TENM2: variants seen among roughly 807,000 people sequenced by gnomAD.
TENM2 encodes the protein teneurin transmembrane protein 2.
Under a neutral mutation model 245.2 loss-of-function variants are expected in TENM2, and 52 were observed. That is an observed-to-expected ratio of 0.21 (90% CI 0.17 to 0.27). The LOEUF (loss-of-function observed/expected upper bound fraction) is 0.27, where lower values mean the gene tolerates loss of function less well. Ranked by LOEUF, TENM2 falls within the 10% of genes least tolerant of loss-of-function variation. The probability of loss-of-function intolerance (pLI) is 1.00; values close to 1 mark genes in which losing one functional copy is unlikely to be tolerated. For synonymous variants in TENM2, 1,363 were observed against 1,438.9 expected, an observed-to-expected ratio of 0.95 and a Z score of 1.19; for missense variants, 3,046 against 3,666.8, an observed-to-expected ratio of 0.83 and a Z score of 4.37.
At position 167,655,188 on chromosome 5, in the gene TENM2, A is replaced by G. The variant is rs114119118; in HGVS notation, c.503-220798A>G. On this transcript the variant is annotated intron_variant, in intron 2 of 28. Transcript: ENST00000518659. ...AGAAATATCAGAATCAAATCAATGA[A>G]CAGGTTCAAAAGAAAAACACTAGAA... Among the ~76,000 whole-genome samples, 827 of 152,316 alleles carry G rather than the reference A, an allele frequency of 5.4e-3. 4 individuals are homozygous for G. The highest frequency in any genetic ancestry group is 0.019 in the African/African-American group (786 of 41,574).
chr5:167,321,713 C>G (rs1447707420), intron 1 of TENM2, among the ~76,000 whole-genome samples: 1 of 146,872 alleles, frequency 6.8e-6, no homozygotes, highest in Non-Finnish European at 1.5e-5. Flanking sequence ...TTTACCTCCT[C>G]AAACTTTTCT....
intron 2 of TENM2, among the ~76,000 whole-genome samples, chr5:167,867,166 T>C (rs912304775): frequency 6.6e-6 from 1 of 152,194 alleles, no homozygotes; most frequent in Non-Finnish European, 1.5e-5. Context: ...GTAAGGTGGG[T>C]TTGTGTCTTT....
At chr5:168,147,089 T>C (rs1581444920) in intron 12 of TENM2, among the ~76,000 whole-genome samples, 2 of 152,372 alleles carry the variant, frequency 1.3e-5, no homozygotes, top group East Asian at 3.9e-4. Context: ...ATAGGCGTAG[T>C]TGGCCAACTT....
intron 2 of TENM2, among the ~76,000 whole-genome samples, chr5:167,844,279 G>A (rs180739484): frequency 2.4e-3 from 367 of 152,300 alleles, no homozygotes; most frequent in Non-Finnish European, 4.3e-3. Context: ...GCAGTAAATT[G>A]CCTGGTACAA....
intron 1 of TENM2, among the ~76,000 whole-genome samples, chr5:167,292,750 A>T (rs1261054962): frequency 2.0e-5 from 3 of 152,246 alleles, no homozygotes; most frequent in Non-Finnish European, 2.9e-5. Context: ...GATATAACAG[A>T]TATGTAACTA....
intron 27 of TENM2, among the ~76,000 whole-genome samples, chr5:168,250,905 A>T (rs1264339423): frequency 6.6e-6 from 1 of 152,254 alleles, no homozygotes; most frequent in African/African-American, 2.4e-5. Context: ...TGATATAAAG[A>T]TGAAAAAATA....
intron 2 of TENM2, among the ~76,000 whole-genome samples, chr5:167,875,044 C>T (rs1003025450): frequency 2.0e-5 from 3 of 152,144 alleles, no homozygotes; most frequent in African/African-American, 7.2e-5. Context: ...TATTTTTGGT[C>T]ATTCATTCAG....
chr5:167,951,361 C>CA (rs1780088264), intron 3 of TENM2, among the ~76,000 whole-genome samples: 1 of 152,110 alleles, frequency 6.6e-6, no homozygotes, highest in African/African-American at 2.4e-5. Flanking sequence ...CTGGAAGCTT[C>CA]AAAAAATAAA....
At chr5:168,049,798 TG>T (rs1395595579) in intron 6 of TENM2, among the ~76,000 whole-genome samples, 2 of 152,160 alleles carry the variant, frequency 1.3e-5, no homozygotes, top group Non-Finnish European at 2.9e-5. Context: ...AATGTTATTT[TG>T]TTTTTTTGTT....
chr5:167,563,378 T>C (rs1189136798), intron 2 of TENM2, among the ~76,000 whole-genome samples: 2 of 152,196 alleles, frequency 1.3e-5, no homozygotes, highest in Non-Finnish European at 2.9e-5. Flanking sequence ...TCTCACCACC[T>C]GTGAAAAGAC....
chr5:167,127,065 G>A, the TENM2 span, among the ~76,000 whole-genome samples: 1 of 151,472 alleles, frequency 6.6e-6, no homozygotes, highest in Non-Finnish European at 1.5e-5. Context: ...AGAACCTAAG[G>A]CTTCTCACAC....
At chr5:167,897,723 C>G (rs1775331195) in intron 3 of TENM2, among the ~76,000 whole-genome samples, 1 of 152,038 alleles carries the variant, frequency 6.6e-6, no homozygotes, top group African/African-American at 2.4e-5. Context: ...TGAGGGCTGC[C>G]TCAGGTTTGT....
chr5:167,534,581 G>A (rs1250976088), intron 2 of TENM2, among the ~76,000 whole-genome samples: 2 of 152,172 alleles, frequency 1.3e-5, no homozygotes, highest in African/African-American at 2.4e-5. Context: ...CTGGCAACTC[G>A]ATGTGGAGTG....
chr5:167,409,596 C>T (rs1011146479), intron 2 of TENM2, among the ~76,000 whole-genome samples: 5 of 151,842 alleles, frequency 3.3e-5, no homozygotes, highest in African/African-American at 1.2e-4. Flanking sequence ...ATATTAACAG[C>T]GGCATGCATA....
chr5:167,161,661 G>A, the TENM2 span, among the ~76,000 whole-genome samples: 1 of 152,110 alleles, frequency 6.6e-6, no homozygotes, highest in African/African-American at 2.4e-5. Context: ...GGTCTTAAAT[G>A]CTGACATCCC....
chr5:167,037,322 G>C, the TENM2 span, among the ~76,000 whole-genome samples: 5 of 152,140 alleles, frequency 3.3e-5, no homozygotes, highest in African/African-American at 1.2e-4. Flanking sequence ...ATGGTAATTT[G>C]ACTTCTGGAG....
At chr5:167,959,529 G>C (rs1414421466) in intron 4 of TENM2, among the ~76,000 whole-genome samples, 2 of 152,150 alleles carry the variant, frequency 1.3e-5, no homozygotes, top group African/African-American at 4.8e-5. Flanking sequence ...AAGTTCTTGT[G>C]CTGTGTTTTT....
the TENM2 span, among the ~76,000 whole-genome samples, chr5:167,249,112 T>G: frequency 6.6e-6 from 1 of 152,192 alleles, no homozygotes; most frequent in Non-Finnish European, 1.5e-5. Flanking sequence ...CTTTTGAATG[T>G]GTATGATGCA....
intron 12 of TENM2, among the ~76,000 whole-genome samples, chr5:168,158,252 A>G (rs778244855): frequency 1.6e-4 from 24 of 152,268 alleles, no homozygotes; most frequent in South Asian, 6.2e-4. Context: ...TGACAGAACT[A>G]GCCCATTAAT....
Sources: gnomAD v4.1 joint callset for allele counts (sites outside exome capture counted in the v4.1 genomes callset) on GRCh38, gnomAD v4.1.1 for gene constraint, MANE v1.5 for transcripts, NCBI Gene and HGNC (gene_info 2026-07-23, HGNC 2026-07-21) for gene names.